EPB41L2: variants seen among roughly 807,000 people sequenced by gnomAD.
EPB41L2 encodes the protein erythrocyte membrane protein band 4.1 like 2, also known as band 4.1-like protein 2.
In EPB41L2, 43 loss-of-function variants were observed where a neutral mutation model predicts 113.0. That is an observed-to-expected ratio of 0.38 (90% confidence interval 0.30 to 0.49). The LOEUF (loss-of-function observed/expected upper bound fraction) is 0.49. EPB41L2 is among the 20% of genes least tolerant of loss of function. The pLI, the probability that EPB41L2 is intolerant of heterozygous loss-of-function variation, is 0.95. For missense variants in EPB41L2, 1,147 were observed against 1,223.4 expected (o/e 0.94, Z 0.93); for synonymous variants, 442 against 436.7 (o/e 1.01, Z -0.15).
chr6:130,923,698 C>T (rs958592360), intron 4 of EPB41L2, among the ~76,000 whole-genome samples: 1 of 152,166 alleles, frequency 6.6e-6, no homozygotes, highest in Non-Finnish European at 1.5e-5. Context: ...TTAGCTTTTC[C>T]ACTCTGCCTT....
intron 19 of EPB41L2, among the ~76,000 whole-genome samples, chr6:130,848,553 A>T (rs1373699605): frequency 6.6e-6 from 1 of 152,086 alleles, no homozygotes; most frequent in Non-Finnish European, 1.5e-5. Context: ...AACATATCTC[A>T]ATTTGAACTA....
intron 3 of EPB41L2, 58 bp downstream of exon 3, chr6:130,955,044 TTCA>T: frequency 1.4e-6 from 2 of 1,453,902 alleles, no homozygotes; most frequent in Non-Finnish European, 1.9e-6. Flanking sequence ...CAAAAATCTA[TTCA>T]TCATGCCATG....
chr6:130,901,112 T>C lies in EPB41L2; in HGVS notation c.998A>G (p.His333Arg), dbSNP rs757603022. ...SGRLPCSFVT[H>R]ALLGSYTLQA... The stretch of plus-strand genomic sequence containing the variant: ...CAGGGTGTAGGATCCCAGGAGAGCA[T>C]GAGTCACAAAAGAGCAGGGCAGGCG... The change falls in exon 7 of 20, where the codon CAT (histidine) becomes CGT (arginine). Residue 333 changes from histidine to arginine, a missense_variant. By Grantham distance (29) the His-to-Arg change is conservative (BLOSUM62 0). Coordinates refer to ENST00000337057, the MANE Select transcript of EPB41L2 (RefSeq NM_001431.4). The C allele has an allele frequency of 4.3e-6, 7 of 1,613,888 alleles. No homozygotes were observed. The highest frequency in any genetic ancestry group is 1.6e-4 in the Middle Eastern group (1 of 6,074).
At chr6:131,007,540 A>G (rs1785884645) in intron 1 of EPB41L2, among the ~76,000 whole-genome samples, 1 of 152,180 alleles carries the variant, frequency 6.6e-6, no homozygotes. Flanking sequence ...CAGAGGTTGG[A>G]ACAGTTAGGA....
chr6:130,919,991 A>T (rs1378415952), intron 4 of EPB41L2, among the ~76,000 whole-genome samples: 1 of 152,036 alleles, frequency 6.6e-6, no homozygotes, highest in Non-Finnish European at 1.5e-5. Flanking sequence ...TTTTTTTAAC[A>T]ACTGCACCAC....
In EPB41L2 at chr6:131,011,001, CA is replaced by C. The variant is rs67501027; in HGVS notation, c.-15+52153del. Among the ~76,000 whole-genome samples, 59 of 152,332 alleles carry C rather than the reference CA, an allele frequency of 3.9e-4. No homozygotes were observed. In the East Asian group the frequency reaches 0.011, roughly 28 times the overall value. ...GAGCCTCCTCAGCACCCTGACTTTTCATCAGCCTACAGACCATTTTCCCTGA... is the reference window on the plus strand; with the variant it reads ...GAGCCTCCTCAGCACCCTGACTTTTCTCAGCCTACAGACCATTTTCCCTGA... On this transcript the variant is annotated intron_variant, in intron 1 of 19. Transcript: ENST00000337057.
At chr6:131,029,391 T>TTA (rs1212571779) in intron 1 of EPB41L2, among the ~76,000 whole-genome samples, 2 of 119,466 alleles carry the variant, frequency 1.7e-5, no homozygotes, top group African/African-American at 3.3e-5. Context: ...AGCATTTGTT[T>TTA]AAAAAAAAAA....
At position 130,934,777 on chromosome 6, in the gene EPB41L2, G is replaced by A. The variant is rs561760415; in HGVS notation, c.706-8068C>T. 8.0e-5 allele frequency among the ~76,000 whole-genome samples: 12 copies of A among 149,274 alleles called. No individual in the cohort carries two copies. The East Asian group carries it at 9.9e-4, about 12-fold the overall frequency. On this transcript the variant is annotated intron_variant, in intron 3 of 19. Transcript: ENST00000337057. ...ATTACAGGTGTGAGCCACAGCACCC[G>A]TCCCTTTCTTTTTGTTTTCTTTTTT...
chr6:130,931,437 G>A (rs2128562285), intron 3 of EPB41L2, among the ~76,000 whole-genome samples: 1 of 152,202 alleles, frequency 6.6e-6, no homozygotes, highest in South Asian at 2.1e-4. Context: ...ACCTAAAACA[G>A]ATGTGCTTTG....
At chr6:131,000,805 G>T (rs1013753844) in intron 1 of EPB41L2, 2 of 152,184 alleles carry the variant, frequency 1.3e-5, no homozygotes, top group Non-Finnish European at 2.9e-5. Flanking sequence ...AGTCAGAGGG[G>T]CCCAGCCCTG....
chr6:131,035,539 G>A (rs1401822998), intron 1 of EPB41L2, among the ~76,000 whole-genome samples: 2 of 152,182 alleles, frequency 1.3e-5, no homozygotes, highest in East Asian at 3.8e-4. Flanking sequence ...TATTTACTGA[G>A]CTCTTCTGGG....
At chr6:130,895,184 A>AT (rs1376040086) in intron 8 of EPB41L2, 65 bp from the exon 9 acceptor site, 33 of 1,506,412 alleles carry the variant, frequency 2.2e-5, no homozygotes, top group Non-Finnish European at 2.9e-5. Context: ...CAAGAAGCTA[A>AT]TTAGCTCCCT....
chr6:131,026,278 C>T (rs1012663547), intron 1 of EPB41L2, among the ~76,000 whole-genome samples: 1 of 152,138 alleles, frequency 6.6e-6, no homozygotes, highest in African/African-American at 2.4e-5. Context: ...TATAACCAAC[C>T]TTCCAGTTCT....
chr6:131,010,501 C>T (rs1786682930), intron 1 of EPB41L2, among the ~76,000 whole-genome samples: 2 of 151,914 alleles, frequency 1.3e-5, no homozygotes, highest in Non-Finnish European at 1.5e-5. Context: ...CAACCTCTGC[C>T]TCCTGGGTTC....
chr6:130,939,134 T>G (rs1037776604), intron 3 of EPB41L2, among the ~76,000 whole-genome samples: 2 of 152,144 alleles, frequency 1.3e-5, no homozygotes, highest in Non-Finnish European at 2.9e-5. Context: ...TCCCTCATGA[T>G]ATCACCAATG....
chr6:130,945,885 G>A (rs1302902066), intron 3 of EPB41L2, among the ~76,000 whole-genome samples: 1 of 151,982 alleles, frequency 6.6e-6, no homozygotes, highest in African/African-American at 2.4e-5. Flanking sequence ...AATGACCTTA[G>A]CAGCAACATC....
chr6:131,061,493 G>C (rs1798647079), intron 1 of EPB41L2, among the ~76,000 whole-genome samples: 1 of 152,194 alleles, frequency 6.6e-6, no homozygotes, highest in Non-Finnish European at 1.5e-5. Flanking sequence ...CTAACGGATG[G>C]AGCCAGTTGG....
chr6:131,039,030 T>G (rs1488416993), intron 1 of EPB41L2, among the ~76,000 whole-genome samples: 3 of 152,132 alleles, frequency 2.0e-5, no homozygotes, highest in African/African-American at 4.8e-5. Context: ...AAACATGATA[T>G]AAGTATTATG....
At chr6:130,899,699 A>C in intron 7 of EPB41L2, 121 bp from the exon 8 acceptor site, 1 of 828,012 alleles carries the variant, frequency 1.2e-6, no homozygotes, top group Non-Finnish European at 1.9e-6. Flanking sequence ...CCAAGTTTGC[A>C]GAAAAGTAGG....
Sources: allele counts gnomAD v4.1 joint callset (sites outside exome capture counted in the v4.1 genomes callset), GRCh38; gene constraint gnomAD v4.1.1; transcripts MANE v1.5; gene names NCBI Gene and HGNC (gene_info 2026-07-23, HGNC 2026-07-21).